The following TJP1 variants were observed in gnomAD, a reference collection of about 807,000 sequenced individuals.
The protein encoded by TJP1 is tight junction protein 1, also known as tight junction protein ZO-1.
In TJP1, 43 loss-of-function variants were observed where a neutral mutation model predicts 194.2. That is an observed-to-expected ratio of 0.22 (90% CI 0.17 to 0.29). The LOEUF (loss-of-function observed/expected upper bound fraction) is 0.29. Among genes scored for constraint, TJP1 ranks in the 10% least tolerant of loss-of-function variants. The pLI, the probability that TJP1 is intolerant of heterozygous loss-of-function variation, is 1.00. For missense variants in TJP1, 1,971 were observed against 2,185.7 expected (o/e 0.90, Z 1.96); for synonymous variants, 801 against 779.0 (o/e 1.03, Z -0.47).
chr15:29,892,968 G>A (rs1255313988), intron 2 of TJP1, among the ~76,000 whole-genome samples: 2 of 152,212 alleles, frequency 1.3e-5, no homozygotes, highest in African/African-American at 4.8e-5. Flanking sequence ...GCCATACATA[G>A]TGATTTCTCT....
At chr15:29,820,216 T>A (rs1009285233) in intron 1 of TJP1, among the ~76,000 whole-genome samples, 1 of 151,388 alleles carries the variant, frequency 6.6e-6, no homozygotes, top group East Asian at 1.9e-4. Context: ...ACGCATCATA[T>A]GTAAAGCACT....
intron 2 of TJP1, among the ~76,000 whole-genome samples, chr15:29,917,731 C>T (rs1030453218): frequency 6.6e-6 from 1 of 152,214 alleles, no homozygotes; most frequent in Non-Finnish European, 1.5e-5. Flanking sequence ...ACTTTCTCCC[C>T]TGACCTGCAG....
intron 2 of TJP1, among the ~76,000 whole-genome samples, chr15:29,935,474 G>C (rs2054853184): frequency 6.6e-6 from 1 of 152,114 alleles, no homozygotes; most frequent in South Asian, 2.1e-4. Flanking sequence ...CCATGACTAG[G>C]ACAGGACAGT....
At chr15:29,793,453 G>C (rs1449421353) in intron 2 of TJP1, among the ~76,000 whole-genome samples, 1 of 152,100 alleles carries the variant, frequency 6.6e-6, no homozygotes, top group African/African-American at 2.4e-5. Flanking sequence ...AGAAATACCT[G>C]AGACTGGGCA....
chr15:29,721,360 T>C (rs1219249675), intron 18 of TJP1, among the ~76,000 whole-genome samples: 2 of 152,092 alleles, frequency 1.3e-5, no homozygotes, highest in South Asian at 2.1e-4. Context: ...TCTGTTTTTT[T>C]AAGTGTGCAG....
intron 5 of TJP1, among the ~76,000 whole-genome samples, chr15:29,762,826 C>T (rs981698049): frequency 1.3e-5 from 2 of 152,110 alleles, no homozygotes; most frequent in South Asian, 2.1e-4. Flanking sequence ...ACTTGAATTC[C>T]TGGGGCCAAA....
At chr15:29,927,552 A>C (rs1481887257) in intron 2 of TJP1, among the ~76,000 whole-genome samples, 1 of 152,166 alleles carries the variant, frequency 6.6e-6, no homozygotes, top group African/African-American at 2.4e-5. Flanking sequence ...GAAGGATGAG[A>C]TAATTCAGAT....
rs2042045121 is a variant in TJP1, at chr15:29,708,532, T to C, written c.4850+27A>G. The C allele has an allele frequency of 2.6e-6, 4 of 1,553,572 alleles. No individual in the cohort carries two copies. In the South Asian group the frequency reaches 3.4e-5, roughly 13 times the overall value. On this transcript the variant is annotated intron_variant, in intron 25 of 27. Coordinates refer to ENST00000614355, the MANE Select transcript of TJP1 (RefSeq NM_001330239.4). Reference sequence around the variant, plus strand: ...CACATGAGAAAAATCACAGGGCCAATGCTTTGAGCAAAGGCATAAGTCTTA... The same window carrying C: ...CACATGAGAAAAATCACAGGGCCAACGCTTTGAGCAAAGGCATAAGTCTTA...
intron 2 of TJP1, among the ~76,000 whole-genome samples, chr15:29,886,054 C>T (rs1028585151): frequency 3.5e-4 from 54 of 152,316 alleles, no homozygotes; most frequent in South Asian, 1.0e-3. Context: ...TTTAAAACCC[C>T]TCATCATCTA....
At chr15:29,968,240 G>C in intron 1 of TJP1, 1 of 985,390 alleles carries the variant, frequency 1.0e-6, no homozygotes, top group Non-Finnish European at 1.2e-6. Context: ...ACGAATTTTT[G>C]GAAAATAACT....
chr15:29,851,475 T>C (rs1485729316), intron 2 of TJP1, among the ~76,000 whole-genome samples: 1 of 152,136 alleles, frequency 6.6e-6, no homozygotes, highest in Non-Finnish European at 1.5e-5. Context: ...CAATATCTAA[T>C]TTAAAAACTC....
chr15:29,875,358 C>T (rs939322264), intron 2 of TJP1, among the ~76,000 whole-genome samples: 2 of 152,170 alleles, frequency 1.3e-5, no homozygotes, highest in Admixed American at 6.5e-5. Context: ...TTTCATTTTA[C>T]TTAAGTACTT....
chr15:29,886,833 G>A (rs888151542), intron 2 of TJP1, among the ~76,000 whole-genome samples: 1 of 151,886 alleles, frequency 6.6e-6, no homozygotes, highest in Non-Finnish European at 1.5e-5. Flanking sequence ...GGGCTCGGTG[G>A]TAAAGACTAA....
chr15:29,968,720 G>A, exon 1 of TJP1: 1 of 1,214,396 alleles, frequency 8.2e-7, no homozygotes. Flanking sequence ...GGGTGACGCC[G>A]ATGGCCATCT....
chr15:29,883,430 C>T (rs909350173), intron 2 of TJP1, among the ~76,000 whole-genome samples: 6 of 152,156 alleles, frequency 3.9e-5, no homozygotes, highest in Non-Finnish European at 7.3e-5. Context: ...TATATTTGCT[C>T]CTCAGTTGGA....
At chr15:29,724,286 G>C (rs561843993) in intron 18 of TJP1, among the ~76,000 whole-genome samples, 1 of 152,282 alleles carries the variant, frequency 6.6e-6, no homozygotes, top group East Asian at 1.9e-4. Context: ...GGGAATCCAG[G>C]GATCTATCCT....
chr15:29,842,917 A>G lies in TJP1; in HGVS notation c.307-42215T>C, dbSNP rs544768414. Among the ~76,000 whole-genome samples the G allele has an allele frequency of 2.6e-5, 4 of 152,318 alleles. No individual in the cohort carries two copies. In the East Asian group the frequency reaches 5.8e-4, roughly 22 times the overall value. ...TAATGGTCTTGGCTTTGCCAGCTACATGGTGTCTACAGGTGGACAAAATGC... is the reference window on the plus strand; with the variant it reads ...TAATGGTCTTGGCTTTGCCAGCTACGTGGTGTCTACAGGTGGACAAAATGC... On this transcript the variant is annotated intron_variant, in intron 2 of 28. Transcript: ENST00000356107.
At position 29,822,309 on chromosome 15, in the gene TJP1, G is replaced by A; in HGVS notation, c.-281C>T. 6 of 1,111,710 alleles carry A rather than the reference G, an allele frequency of 5.4e-6. No homozygotes were observed. Among genetic ancestry groups the A allele is most frequent in the Non-Finnish European group, 6.6e-6 (6 of 910,722 alleles). 68.9% of individuals were successfully genotyped at this position (1,111,710 alleles called of 1,614,324 possible). On this transcript the variant is annotated 5_prime_UTR_variant, in exon 1 of 28. Coordinates refer to ENST00000614355, the MANE Select transcript of TJP1 (RefSeq NM_001330239.4). Reference sequence around the variant, plus strand: ...GGCCTCCCGCAGCTTTCGCAGCCCGGCCACGTCGGCCTCGCCCGGTCGCCC... The same window carrying A: ...GGCCTCCCGCAGCTTTCGCAGCCCGACCACGTCGGCCTCGCCCGGTCGCCC...
At chr15:29,908,883 G>C (rs12898501) in intron 2 of TJP1, among the ~76,000 whole-genome samples, 3 of 151,868 alleles carry the variant, frequency 2.0e-5, no homozygotes, top group Admixed American at 2.0e-4. Context: ...GGCCGGGCGC[G>C]GTGGCTCACG....
Sources: allele counts gnomAD v4.1 joint callset (sites outside exome capture counted in the v4.1 genomes callset), GRCh38; gene constraint gnomAD v4.1.1; transcripts MANE v1.5; gene names NCBI Gene and HGNC (gene_info 2026-07-23, HGNC 2026-07-21).